ZZZ3: variants seen among roughly 807,000 people sequenced by gnomAD.
ZZZ3 encodes ZZ-type zinc finger-containing protein 3.
ZZZ3 carries 22 observed loss-of-function variants against 95.2 expected under a neutral mutation model. The ratio of observed to expected loss-of-function variants is 0.23; its 90% CI spans 0.17 to 0.33. The LOEUF (loss-of-function observed/expected upper bound fraction) is 0.33, where lower values mean the gene tolerates loss of function less well. ZZZ3 is among the 10% of genes least tolerant of loss of function. The pLI is 1.00. For missense variants in ZZZ3, 885 were observed against 1,066.5 expected (o/e 0.83, Z 2.37); for synonymous variants, 335 against 358.9 (o/e 0.93, Z 0.75).
intron 5 of ZZZ3, among the ~76,000 whole-genome samples, chr1:77,586,094 C>G (rs1282400851): frequency 6.6e-6 from 1 of 152,152 alleles, no homozygotes; most frequent in East Asian, 1.9e-4. Flanking sequence ...TTTCACTAAG[C>G]CTTCTTTTGC....
chr1:77,575,283 G>A (rs1375485697), intron 12 of ZZZ3, among the ~76,000 whole-genome samples: 3 of 152,176 alleles, frequency 2.0e-5, no homozygotes, highest in African/African-American at 7.2e-5. Context: ...GGGGCAGGGG[G>A]ATTACTTTTA....
Position 77,564,489 on chromosome 1 carries a change from CACA to C in ZZZ3, c.*1148_*1150del, listed in dbSNP as rs1310439858. The C allele has an allele frequency of 1.3e-5, 2 of 152,308 alleles. No individual in the cohort carries two copies. Among genetic ancestry groups the C allele is most frequent in the Non-Finnish European group, 2.9e-5 (2 of 67,954 alleles). 9.4% of individuals were successfully genotyped at this position (152,308 alleles called of 1,614,324 possible). On this transcript the variant is annotated 3_prime_UTR_variant, in exon 15 of 15. Transcript: ENST00000370801. The stretch of plus-strand genomic sequence containing the variant: ...ATCCAAAATCTAACCAAAAGGAAGT[CACA>C]ACAAGCATTCTATAATATAAACAGA...
chr1:77,673,367 A>T (rs1208784284), intron 1 of ZZZ3, among the ~76,000 whole-genome samples: 5 of 151,970 alleles, frequency 3.3e-5, no homozygotes, highest in Non-Finnish European at 4.4e-5. Context: ...GAGGCTGAGG[A>T]GGGCAGATCA....
intron 5 of ZZZ3, chr1:77,584,989 TAAAA>T (rs1203990745): frequency 6.3e-6 from 1 of 158,964 alleles, no homozygotes; most frequent in Admixed American, 6.3e-5. Flanking sequence ...ATTAAAATGA[TAAAA>T]TCTTAATACT....
At chr1:77,649,860 C>A (rs1291258034) in intron 1 of ZZZ3, among the ~76,000 whole-genome samples, 2 of 144,412 alleles carry the variant, frequency 1.4e-5, no homozygotes, top group Admixed American at 7.0e-5. Flanking sequence ...GCAACGAGAA[C>A]AAAACTCCAT....
chr1:77,659,685 CAAAAAAA>C (rs573522172), intron 1 of ZZZ3, among the ~76,000 whole-genome samples: 2 of 53,270 alleles, frequency 3.8e-5, no homozygotes, highest in Non-Finnish European at 7.6e-5. Flanking sequence ...GACTCCATCT[CAAAAAAA>C]AAAAAAAAGA....
At chr1:77,589,712 A>G (rs1324172932) in intron 5 of ZZZ3, among the ~76,000 whole-genome samples, 2 of 151,934 alleles carry the variant, frequency 1.3e-5, no homozygotes, top group African/African-American at 4.8e-5. Flanking sequence ...CTCCCGCCAC[A>G]GCCTCCGAAA....
intron 8 of ZZZ3, 83 bp downstream of exon 8, chr1:77,581,687 CTTTAAT>C (rs1662546232): frequency 3.8e-6 from 4 of 1,048,564 alleles, no homozygotes. Flanking sequence ...TGAAAGACTG[CTTTAAT>C]TTTAAGAACA....
At chr1:77,648,719 A>T (rs1248494907) in intron 1 of ZZZ3, among the ~76,000 whole-genome samples, 1 of 152,206 alleles carries the variant, frequency 6.6e-6, no homozygotes, top group African/African-American at 2.4e-5. Context: ...TATCATCAAG[A>T]CGCCTAAAAC....
At chr1:77,618,482 A>C (rs1666545343) in intron 5 of ZZZ3, among the ~76,000 whole-genome samples, 1 of 152,046 alleles carries the variant, frequency 6.6e-6, no homozygotes, top group Non-Finnish European at 1.5e-5. Context: ...TGTGCAAAAA[A>C]CATTAATAAA....
rs756559665 is a variant in ZZZ3, at chr1:77,632,319, T to C, written c.1036A>G (p.Met346Val). 4 of 1,614,208 alleles carry C rather than the reference T, an allele frequency of 2.5e-6. No homozygotes were observed. Among genetic ancestry groups the C allele is most frequent in the East Asian group, 4.5e-5 (2 of 44,882 alleles). ...GGTTCAGGTTCTCCGGAGGCTGGCA[T>C]ACTCTCAAGACTTGTGTCCAGTTCG... ...NNELDTSLESMPASGEPEPSP... is the reference protein window; with the variant it reads ...NNELDTSLESVPASGEPEPSP... Residue 346 changes from methionine to valine, a missense_variant, in exon 5 of 15, where the codon ATG becomes GTG. Met to Val is a conservative substitution (Grantham distance 21). Coordinates refer to ENST00000370801, the MANE Select transcript of ZZZ3 (RefSeq NM_015534.6).
intron 1 of ZZZ3, among the ~76,000 whole-genome samples, chr1:77,651,833 T>C (rs1312897844): frequency 2.0e-5 from 3 of 152,000 alleles, no homozygotes; most frequent in African/African-American, 7.3e-5. Context: ...TTGGCCAACA[T>C]GGTGAAACCC....
intron 5 of ZZZ3, among the ~76,000 whole-genome samples, chr1:77,608,610 A>G (rs1665477029): frequency 6.6e-6 from 1 of 152,200 alleles, no homozygotes; most frequent in South Asian, 2.1e-4. Context: ...ACAGAATAAT[A>G]TAACACTGTA....
At chr1:77,618,884 T>C (rs1236222243) in intron 5 of ZZZ3, among the ~76,000 whole-genome samples, 3 of 152,218 alleles carry the variant, frequency 2.0e-5, no homozygotes, top group Non-Finnish European at 4.4e-5. Flanking sequence ...CCCTGAAGAC[T>C]CAAAGATTCT....
chr1:77,568,793 G>A (rs1661088702), intron 12 of ZZZ3, among the ~76,000 whole-genome samples: 1 of 152,026 alleles, frequency 6.6e-6, no homozygotes, highest in Non-Finnish European at 1.5e-5. Context: ...GGTTACTTGA[G>A]TGACTTGTAA....
At chr1:77,635,680 C>T (rs532338518) in intron 4 of ZZZ3, among the ~76,000 whole-genome samples, 62 of 152,160 alleles carry the variant, frequency 4.1e-4, no homozygotes, top group African/African-American at 1.4e-3. Context: ...CCAAGGCAGA[C>T]GGATTACTTG....
chr1:77,676,120 A>T (rs1405839280), intron 1 of ZZZ3, among the ~76,000 whole-genome samples: 1 of 152,198 alleles, frequency 6.6e-6, no homozygotes, highest in Admixed American at 6.5e-5. Flanking sequence ...TAATTCCCCA[A>T]AATCTGCCAA....
intron 1 of ZZZ3, among the ~76,000 whole-genome samples, chr1:77,651,119 C>T (rs1383385485): frequency 6.6e-6 from 1 of 152,204 alleles, no homozygotes; most frequent in Admixed American, 6.5e-5. Flanking sequence ...CATGGTGGCT[C>T]ATCCCTGTAA....
rs144494591 is a variant in ZZZ3 at position 77,647,373 on chromosome 1, G to C, written c.-402-5718C>G. 3.8e-4 allele frequency among the ~76,000 whole-genome samples: 58 copies of C among 152,152 alleles called. 1 individual carries two copies. In the East Asian group the frequency reaches 0.011, roughly 28 times the overall value. On this transcript the variant is annotated intron_variant, in intron 1 of 14. Coordinates refer to ENST00000370801, the MANE Select transcript of ZZZ3 (RefSeq NM_015534.6). ...ATCCCTACTAAAAATACAAAAATTA[G>C]CAGGGCATGGTGGTGCACACCTGTG...
Sources: allele counts gnomAD v4.1 joint callset (sites outside exome capture counted in the v4.1 genomes callset), GRCh38; gene constraint gnomAD v4.1.1; transcripts MANE v1.5; gene names NCBI Gene and HGNC (gene_info 2026-07-23, HGNC 2026-07-21).